The following ACSS3 variants were observed in gnomAD, a reference collection of about 807,000 sequenced individuals.
The protein encoded by ACSS3 is acyl-CoA synthetase short chain family member 3, also known as acyl-CoA synthetase short-chain family member 3, mitochondrial.
A neutral mutation model predicts 84.2 loss-of-function variants in ACSS3; 64 were observed. The ratio of observed to expected loss-of-function variants is 0.76; its 90% confidence interval spans 0.62 to 0.94. The LOEUF (loss-of-function observed/expected upper bound fraction) is 0.94, where lower values mean the gene tolerates loss of function less well. ACSS3 is among the 40% of genes least tolerant of loss of function. The pLI is 0.00. For synonymous variants in ACSS3, 317 were observed against 310.1 expected (o/e 1.02, Z -0.23); for missense variants, 815 against 867.6 (o/e 0.94, Z 0.76).
chr12:81,248,261 T>C (rs1427183452), intron 13 of ACSS3, among the ~76,000 whole-genome samples: 2 of 152,078 alleles, frequency 1.3e-5, no homozygotes, highest in Admixed American at 6.6e-5. Flanking sequence ...ACCCCCATGT[T>C]TGTTGCAGCA....
chr12:81,212,317 C>T (rs2032626038), intron 9 of ACSS3, among the ~76,000 whole-genome samples: 1 of 152,196 alleles, frequency 6.6e-6, no homozygotes. Context: ...ATAATAGCTG[C>T]TCAAAAACTA....
chr12:81,240,057 A>G (rs758571487), intron 13 of ACSS3, among the ~76,000 whole-genome samples: 1 of 151,904 alleles, frequency 6.6e-6, no homozygotes, highest in Non-Finnish European at 1.5e-5. Flanking sequence ...TTGTTGAATG[A>G]AGTGGCCTAT....
chr12:81,088,026 T>C (rs1881431039), intron 1 of ACSS3, among the ~76,000 whole-genome samples: 1 of 152,148 alleles, frequency 6.6e-6, no homozygotes, highest in Non-Finnish European at 1.5e-5. Context: ...TCTGTTCTCT[T>C]CTGCTAATAT....
intron 2 of ACSS3, among the ~76,000 whole-genome samples, chr12:81,121,908 G>A (rs1324958413): frequency 2.3e-5 from 3 of 127,896 alleles, no homozygotes; most frequent in South Asian, 2.7e-4. Context: ...ATAATCCAGA[G>A]TATGCTATAT....
In ACSS3 at chr12:81,253,358, G is replaced by C. The variant is rs993915928; in HGVS notation, c.1771G>C (p.Asp591His). The change falls in exon 14 of 16, where the codon GAT becomes CAT. Residue 591 changes from aspartate to histidine, a missense_variant. By Grantham distance (81) the Asp-to-His change is moderately conservative. Coordinates refer to ENST00000548058, the MANE Select transcript of ACSS3 (RefSeq NM_024560.4). ...VADCAVVGKE[D>H]PLKGHVPLAL... is the part of the protein sequence containing the mutation. ...AGACTGTGCTGTTGTTGGCAAGGAAGATCCCTTAAAAGGTCATGTCCCCTT... is the reference window on the plus strand; with the variant it reads ...AGACTGTGCTGTTGTTGGCAAGGAACATCCCTTAAAAGGTCATGTCCCCTT... 5.0e-6 allele frequency: 8 copies of C among 1,613,860 alleles called. No individual in the cohort carries two copies. The highest frequency in any genetic ancestry group is 3.3e-5 in the Admixed American group (2 of 59,980).
At position 81,256,242 on chromosome 12, in the gene ACSS3, A is replaced by C. The variant is rs2034291975; in HGVS notation, c.*1320A>C. 1 of 152,206 alleles carries C rather than the reference A, an allele frequency of 6.6e-6. No homozygotes were observed. The highest frequency in any genetic ancestry group is 1.5e-5 in the Non-Finnish European group (1 of 68,028). 9.4% of individuals were successfully genotyped at this position (152,206 alleles called of 1,614,324 possible). On this transcript the variant is annotated 3_prime_UTR_variant, in exon 16 of 16. Transcript: ENST00000548058. The stretch of plus-strand genomic sequence containing the variant: ...TGCAAGAGCCTCTGTTTTTTTAAAG[A>C]GAAAACAAAGAATCCTGGTTTTTAT...
At chr12:81,253,207 A>T in intron 13 of ACSS3, 100 bp from the exon 14 acceptor site, 5 of 1,265,238 alleles carry the variant, frequency 4.0e-6, no homozygotes, top group Non-Finnish European at 5.6e-6. Flanking sequence ...AACTGAAATT[A>T]TATGTGTTTG....
Position 81,151,872 on chromosome 12 carries a change from CT to C in ACSS3, c.951del (p.Val318SerfsTer25). 1 of 1,613,808 alleles carries C rather than the reference CT, an allele frequency of 6.2e-7. No homozygotes were observed. Among genetic ancestry groups the C allele is most frequent in the Non-Finnish European group, 8.5e-7 (1 of 1,179,814 alleles). On this transcript the variant is annotated frameshift_variant, in exon 6 of 16. Transcript: ENST00000548058. LOFTEE classifies it high-confidence loss of function. ...KGVIRPTGGY[A>X]VMLHWSMSSI... ...GTGATTAGGCCCACTGGGGGATACG[CT>C]GTCATGCTACACTGGTCAATGTCTT... is the stretch of plus-strand genomic sequence containing the variant.
chr12:81,209,829 T>G (rs1346210176), intron 9 of ACSS3, among the ~76,000 whole-genome samples: 2 of 152,178 alleles, frequency 1.3e-5, no homozygotes, highest in Non-Finnish European at 2.9e-5. Flanking sequence ...CCTCCCCTTT[T>G]TAGACCATAT....
chr12:81,112,813 G>C (rs961335285), intron 2 of ACSS3, among the ~76,000 whole-genome samples: 8 of 152,112 alleles, frequency 5.3e-5, no homozygotes, highest in Non-Finnish European at 1.0e-4. Flanking sequence ...TCTACCAGAA[G>C]TTTCTGGCTA....
intron 1 of ACSS3, among the ~76,000 whole-genome samples, chr12:81,106,213 CT>C (rs1417631244): frequency 3.9e-5 from 6 of 152,158 alleles, no homozygotes; most frequent in Non-Finnish European, 8.8e-5. Context: ...GCTCACATTA[CT>C]GCCTGAGCTC....
rs1882302162 is a variant in ACSS3, at chr12:81,099,141, CT to C, written c.312-10412del. Among the ~76,000 whole-genome samples the C allele has an allele frequency of 2.6e-5, 4 of 151,962 alleles. No individual in the cohort carries two copies. The South Asian group carries it at 8.3e-4, about 32-fold the overall frequency. On this transcript the variant is annotated intron_variant, in intron 1 of 15. Coordinates refer to ENST00000548058, the MANE Select transcript of ACSS3 (RefSeq NM_024560.4). ...TTTTTTATAAAGATTATATATTCACCTTTTTTTAGTATATAGATAATCAAAT... is the reference window on the plus strand; with the variant it reads ...TTTTTTATAAAGATTATATATTCACCTTTTTTAGTATATAGATAATCAAAT...
intron 7 of ACSS3, among the ~76,000 whole-genome samples, chr12:81,164,958 A>G (rs1887330238): frequency 6.6e-6 from 1 of 152,148 alleles, no homozygotes; most frequent in Non-Finnish European, 1.5e-5. Context: ...GTAATGGGAA[A>G]TAACATTTAA....
chr12:81,212,663 T>C (rs536528553), intron 9 of ACSS3, among the ~76,000 whole-genome samples: 51 of 152,304 alleles, frequency 3.3e-4, no homozygotes, highest in African/African-American at 1.2e-3. Flanking sequence ...TTAAAAGCAC[T>C]CGACTCTTGG....
chr12:81,168,579 G>T (rs1887511354), intron 7 of ACSS3, among the ~76,000 whole-genome samples: 1 of 152,196 alleles, frequency 6.6e-6, no homozygotes, highest in African/African-American at 2.4e-5. Flanking sequence ...TACATAAAGA[G>T]CTTCTGGGTC....
At chr12:81,190,621 C>T (rs1397894213) in intron 8 of ACSS3, among the ~76,000 whole-genome samples, 2 of 151,884 alleles carry the variant, frequency 1.3e-5, no homozygotes. Context: ...TTCCTAGGAT[C>T]CTCCAGTAAA....
intron 9 of ACSS3, among the ~76,000 whole-genome samples, chr12:81,212,568 T>G (rs2032636456): frequency 6.6e-6 from 1 of 152,184 alleles, no homozygotes; most frequent in African/African-American, 2.4e-5. Flanking sequence ...TCTTGGCTAA[T>G]CCTCAGAATT....
chr12:81,245,275 C>A (rs2033946092), intron 13 of ACSS3, among the ~76,000 whole-genome samples: 1 of 152,132 alleles, frequency 6.6e-6, no homozygotes, highest in South Asian at 2.1e-4. Context: ...TCCTGGCTAA[C>A]ACAGTGAAAC....
At chr12:81,176,198 C>T (rs1486163461) in intron 8 of ACSS3, among the ~76,000 whole-genome samples, 1 of 152,032 alleles carries the variant, frequency 6.6e-6, no homozygotes, top group Non-Finnish European at 1.5e-5. Context: ...GTAAAAAATC[C>T]TGAGACAATT....
Sources: allele counts gnomAD v4.1 joint callset (sites outside exome capture counted in the v4.1 genomes callset), GRCh38; gene constraint gnomAD v4.1.1; transcripts MANE v1.5; gene names NCBI Gene and HGNC (gene_info 2026-07-23, HGNC 2026-07-21).